ARHGAP20: variants seen among roughly 807,000 people sequenced by gnomAD.
ARHGAP20 encodes rho GTPase-activating protein 20.
ARHGAP20 carries 34 observed loss-of-function variants against 73.7 expected under a neutral mutation model. That is an observed-to-expected ratio of 0.46 (90% CI 0.35 to 0.61). The LOEUF is 0.61. Ranked by LOEUF, ARHGAP20 falls within the 20% of genes least tolerant of loss-of-function variation. The probability of loss-of-function intolerance (pLI) is 0.00; values close to 1 mark genes in which losing one functional copy is unlikely to be tolerated. For missense variants in ARHGAP20, 1,314 were observed against 1,420.9 expected (o/e 0.92, Z 1.21); for synonymous variants, 523 against 518.2 (o/e 1.01, Z -0.13).
rs1591200008 is a variant in ARHGAP20 at position 110,709,984 on chromosome 11, G to C, written c.105+2143C>G. 2.0e-5 allele frequency among the ~76,000 whole-genome samples: 3 copies of C among 152,350 alleles called. No homozygotes were observed. In the South Asian group the frequency reaches 6.2e-4, roughly 32 times the overall value. On this transcript the variant is annotated intron_variant, in intron 1 of 14. Coordinates refer to ENST00000683387, the MANE Select transcript of ARHGAP20 (RefSeq NM_001384657.1). ...CTTGGCTTGGACTACACTGGCAACA[G>C]TGGAGATGAAGTGGAGAAATTCAAG...
intron 2 of ARHGAP20, among the ~76,000 whole-genome samples, chr11:110,650,750 GA>G (rs35961384): frequency 6.6e-6 from 1 of 152,042 alleles, no homozygotes; most frequent in Non-Finnish European, 1.5e-5. Context: ...TAAAAAGTGA[GA>G]AAAAGTTAAA....
intron 1 of ARHGAP20, among the ~76,000 whole-genome samples, chr11:110,703,236 G>T (rs890342398): frequency 2.6e-5 from 4 of 152,116 alleles, no homozygotes; most frequent in African/African-American, 4.8e-5. Flanking sequence ...ATGAATATAT[G>T]TTCCTTTCTG....
chr11:110,631,581 T>C (rs1382560822), intron 2 of ARHGAP20, among the ~76,000 whole-genome samples: 1 of 152,160 alleles, frequency 6.6e-6, no homozygotes, highest in Non-Finnish European at 1.5e-5. Flanking sequence ...AAAGAGAGTG[T>C]CTGTGGTTAT....
chr11:110,586,442 A>T (rs1947669135), intron 11 of ARHGAP20, 117 bp from the exon 12 acceptor site: 8 of 482,514 alleles, frequency 1.7e-5, no homozygotes, highest in Non-Finnish European at 2.5e-5. Context: ...TCTGTGAACT[A>T]CACAGAGCTC....
intron 1 of ARHGAP20, among the ~76,000 whole-genome samples, chr11:110,711,348 G>A (rs1482119049): frequency 0.015 from 1 of 68 alleles, no homozygotes; most frequent in East Asian, 0.12. Flanking sequence ...GAGTCCCAGG[G>A]GCCAGGGACC....
chr11:110,610,686 G>A (rs971767148), intron 7 of ARHGAP20, among the ~76,000 whole-genome samples: 2 of 151,948 alleles, frequency 1.3e-5, no homozygotes, highest in Admixed American at 6.6e-5. Context: ...CACCTCTATC[G>A]CAGAAAACAG....
intron 9 of ARHGAP20, among the ~76,000 whole-genome samples, chr11:110,605,077 G>A (rs1948192559): frequency 6.6e-6 from 1 of 152,158 alleles, no homozygotes; most frequent in Non-Finnish European, 1.5e-5. Flanking sequence ...TTTAGGAGAT[G>A]TATAGGAATG....
chr11:110,682,810 A>G (rs779708913), intron 2 of ARHGAP20, among the ~76,000 whole-genome samples: 2 of 152,148 alleles, frequency 1.3e-5, no homozygotes, highest in Admixed American at 6.6e-5. Flanking sequence ...TTTGTGTTCT[A>G]TGATGTAAGC....
intron 2 of ARHGAP20, among the ~76,000 whole-genome samples, chr11:110,652,639 G>A (rs528178112): frequency 1.5e-4 from 23 of 151,984 alleles, no homozygotes; most frequent in African/African-American, 3.6e-4. Context: ...ATTCACAATC[G>A]CTACAAAGAG....
chr11:110,693,806 G>T (rs1445699261), intron 1 of ARHGAP20, among the ~76,000 whole-genome samples: 1 of 151,784 alleles, frequency 6.6e-6, no homozygotes, highest in African/African-American at 2.4e-5. Flanking sequence ...TATCAGGACA[G>T]GCTTACGTTA....
intron 2 of ARHGAP20, among the ~76,000 whole-genome samples, chr11:110,664,675 C>A (rs1358613343): frequency 6.4e-5 from 9 of 140,288 alleles, no homozygotes; most frequent in East Asian, 6.2e-4. Flanking sequence ...TTCCAGTGAG[C>A]GGAGACTGTG....
chr11:110,608,241 T>C (rs1168680442), intron 8 of ARHGAP20, among the ~76,000 whole-genome samples: 11 of 152,190 alleles, frequency 7.2e-5, no homozygotes, highest in African/African-American at 2.7e-4. Context: ...TCATCATAAT[T>C]ATCATCGTCA....
At chr11:110,609,401 C>T (rs565485497) in intron 7 of ARHGAP20, among the ~76,000 whole-genome samples, 1 of 152,272 alleles carries the variant, frequency 6.6e-6, no homozygotes, top group South Asian at 2.1e-4. Context: ...AAACCACAAA[C>T]ACTGCTATGT....
At chr11:110,637,968 G>A (rs1182158676) in intron 2 of ARHGAP20, among the ~76,000 whole-genome samples, 2 of 152,100 alleles carry the variant, frequency 1.3e-5, no homozygotes, top group Non-Finnish European at 2.9e-5. Context: ...AGCAGCAGAT[G>A]AGAAAGGGGT....
chr11:110,635,263 TCATCATCAA>T (rs1948941604), intron 2 of ARHGAP20, among the ~76,000 whole-genome samples: 1 of 152,086 alleles, frequency 6.6e-6, no homozygotes, highest in Non-Finnish European at 1.5e-5. Flanking sequence ...ATCAGCATCA[TCATCATCAA>T]CAGGGAACAT....
chr11:110,615,430 A>G, intron 5 of ARHGAP20, 123 bp downstream of exon 5: 6 of 807,956 alleles, frequency 7.4e-6, no homozygotes, highest in Non-Finnish European at 1.2e-5. Context: ...CAGCTTATTT[A>G]GAGGTCAAAT....
intron 2 of ARHGAP20, among the ~76,000 whole-genome samples, chr11:110,636,436 T>A (rs1389754310): frequency 2.6e-5 from 4 of 152,262 alleles, no homozygotes; most frequent in South Asian, 2.1e-4. Flanking sequence ...AGGCTATTTT[T>A]AAAAATAGTT....
At chr11:110,691,184 AT>A (rs1591181834) in intron 1 of ARHGAP20, 1 of 495,102 alleles carries the variant, frequency 2.0e-6, no homozygotes, top group Non-Finnish European at 3.5e-6. Context: ...CAATAAAAAA[AT>A]CTTTTTTTCT....
chr11:110,695,370 A>G (rs1158090210), intron 1 of ARHGAP20, among the ~76,000 whole-genome samples: 2 of 151,660 alleles, frequency 1.3e-5, no homozygotes, highest in Admixed American at 6.6e-5. Flanking sequence ...TCCATGCTTC[A>G]AAAGACACCA....
Sources: allele counts gnomAD v4.1 joint callset (sites outside exome capture counted in the v4.1 genomes callset), GRCh38; gene constraint gnomAD v4.1.1; transcripts MANE v1.5; gene names NCBI Gene and HGNC (gene_info 2026-07-23, HGNC 2026-07-21).